METAP2: variants seen among roughly 807,000 people sequenced by gnomAD.
METAP2 encodes the protein methionyl aminopeptidase 2, also known as methionine aminopeptidase 2.
Under a neutral mutation model 59.4 loss-of-function variants are expected in METAP2, and 25 were observed. The ratio of observed to expected loss-of-function variants is 0.42; its 90% CI spans 0.31 to 0.59. METAP2 has a LOEUF of 0.59. Among genes scored for constraint, METAP2 ranks in the 20% least tolerant of loss-of-function variants. The pLI is 0.16. For synonymous variants in METAP2, 214 were observed against 194.1 expected (o/e 1.10, Z -0.85); for missense variants, 366 against 581.2 (o/e 0.63, Z 3.81).
At chr12:95,513,047 G>T in intron 10 of METAP2, 131 bp downstream of exon 10, 58 of 305,698 alleles carry the variant, frequency 1.9e-4, no homozygotes, top group Non-Finnish European at 2.4e-4. Flanking sequence ...CCAACAATAA[G>T]AAAAAAAAAT....
intron 4 of METAP2, 56 bp downstream of exon 4, chr12:95,486,037 A>C: frequency 1.6e-6 from 2 of 1,220,334 alleles, no homozygotes; most frequent in Non-Finnish European, 2.3e-6. Context: ...GCTTAGCAAT[A>C]AAGCAGATTT....
At chr12:95,511,413 T>TTTTTTTTTTTTTTTTTTTTTTTTTTTTA (rs1188048288) in intron 8 of METAP2, among the ~76,000 whole-genome samples, 1 of 142,212 alleles carries the variant, frequency 7.0e-6, no homozygotes, top group Non-Finnish European at 1.5e-5. Flanking sequence ...TTTTTTTTTT[T>TTTTTTTTTTTTTTTTTTTTTTTTTTTTA]GAGACGGAGT....
chr12:95,511,879 C>T lies in METAP2; in HGVS notation c.965-16C>T. ...GAGATCCTGAATGACTTTTATTTCCCTATTTTTTATAACAGTGAAACCAAT... is the reference window on the plus strand; with the variant it reads ...GAGATCCTGAATGACTTTTATTTCCTTATTTTTTATAACAGTGAAACCAAT... On this transcript the variant is annotated splice_polypyrimidine_tract_variant and intron_variant, in intron 8 of 10. Transcript: ENST00000323666. 1.3e-6 allele frequency: 2 copies of T among 1,557,088 alleles called. No homozygotes were observed. Among genetic ancestry groups the T allele is most frequent in the Non-Finnish European group, 1.8e-6 (2 of 1,135,158 alleles).
intron 8 of METAP2, among the ~76,000 whole-genome samples, chr12:95,506,370 C>T (rs1033291882): frequency 3.9e-4 from 53 of 136,320 alleles, no homozygotes; most frequent in Non-Finnish European, 9.2e-5. Context: ...AATCTTGGTT[C>T]ACGGCAACCT....
intron 6 of METAP2, 60 bp from the exon 7 acceptor site, chr12:95,495,944 G>T: frequency 9.8e-7 from 1 of 1,019,624 alleles, no homozygotes; most frequent in Admixed American, 2.0e-5. Flanking sequence ...ATTAAATGCT[G>T]TAAAGTAGAT....
chr12:95,510,520 C>T (rs1453797033), intron 8 of METAP2, among the ~76,000 whole-genome samples: 1 of 152,160 alleles, frequency 6.6e-6, no homozygotes, highest in Non-Finnish European at 1.5e-5. Context: ...GAGATAATGG[C>T]TTGAATTCAT....
intron 4 of METAP2, among the ~76,000 whole-genome samples, chr12:95,491,255 A>C (rs2076235887): frequency 6.6e-6 from 1 of 152,046 alleles, no homozygotes; most frequent in Non-Finnish European, 1.5e-5. Flanking sequence ...TTTTCACTTA[A>C]TTCTTTTAAT....
In METAP2 at chr12:95,494,194, T is replaced by G. The variant is rs755142238; in HGVS notation, c.567T>G (p.Pro189=). The change falls in exon 5 of 11, where the codon CCT becomes CCG. Residue 189 remains proline (P), a synonymous_variant. Transcript: ENST00000323666. ...VRKYVMSWIK[P]GMTMIEICEK... is the part of the protein sequence containing the mutation. ...AATACGTAATGAGCTGGATCAAGCC[T>G]GGGATGACAATGATAGAAATCTGGT... 60 of 1,613,312 alleles carry G rather than the reference T, an allele frequency of 3.7e-5. No individual in the cohort carries two copies. In the Admixed American group the frequency reaches 9.5e-4, roughly 26 times the overall value.
chr12:95,504,104 G>C lies in METAP2; in HGVS notation c.907G>C (p.Ala303Pro). Reference sequence around the variant, plus strand: ...TGTTCGTCTGTGTGATGTTGGTGAGGCCATCCAAGAAGTTATGGAGTCCTA... The same window carrying C: ...TGTTCGTCTGTGTGATGTTGGTGAGCCCATCCAAGAAGTTATGGAGTCCTA... Reference protein sequence around the residue: ...IDVRLCDVGEAIQEVMESYEV... With the variant: ...IDVRLCDVGEPIQEVMESYEV... The change falls in exon 8 of 11, where the codon GCC (alanine) becomes CCC (proline). Residue 303 changes from alanine (A) to proline (P), a missense_variant. Around this residue, in one of 4 missense-constraint regions of METAP2, gnomAD observed 106 missense variants for 221.9 expected, o/e 0.48. Coordinates refer to ENST00000323666, the MANE Select transcript of METAP2 (RefSeq NM_006838.4). The C allele has an allele frequency of 6.2e-7, 1 of 1,613,798 alleles. No homozygotes were observed. The highest frequency in any genetic ancestry group is 8.5e-7 in the Non-Finnish European group (1 of 1,179,800).
At chr12:95,493,452 T>A (rs529683132) in intron 4 of METAP2, among the ~76,000 whole-genome samples, 1 of 152,318 alleles carries the variant, frequency 6.6e-6, no homozygotes, top group South Asian at 2.1e-4. Context: ...TCTGCCTGGG[T>A]AACAGAGTAA....
chr12:95,488,881 TAC>T (rs10679214), intron 4 of METAP2, among the ~76,000 whole-genome samples: 11 of 150,458 alleles, frequency 7.3e-5, no homozygotes, highest in Middle Eastern at 3.2e-3. Flanking sequence ...CATATAGCCT[TAC>T]ACACACACAC....
intron 2 of METAP2, among the ~76,000 whole-genome samples, chr12:95,480,091 C>G (rs1487600289): frequency 2.0e-5 from 3 of 152,158 alleles, no homozygotes; most frequent in Non-Finnish European, 4.4e-5. Flanking sequence ...ATCACTGATA[C>G]GTTTTCTGAC....
chr12:95,496,188 G>A (rs530798753), intron 7 of METAP2, 90 bp downstream of exon 7: 2 of 740,838 alleles, frequency 2.7e-6, no homozygotes, highest in Non-Finnish European at 4.5e-6. Flanking sequence ...CACTTTTAAG[G>A]CCTGTTTAAG....
chr12:95,481,382 GC>G (rs1412842556), intron 2 of METAP2, among the ~76,000 whole-genome samples: 2 of 152,192 alleles, frequency 1.3e-5, no homozygotes, highest in Non-Finnish European at 2.9e-5. Flanking sequence ...CTGCACTCCA[GC>G]TTGGGCAACA....
At chr12:95,497,754 TTTTG>T (rs983955573) in intron 7 of METAP2, among the ~76,000 whole-genome samples, 1 of 152,162 alleles carries the variant, frequency 6.6e-6, no homozygotes, top group African/African-American at 2.4e-5. Context: ...TCTGGGTAGT[TTTTG>T]TTTGTTTTTT....
chr12:95,483,127 A>G (rs201816855), intron 2 of METAP2, 88 bp from the exon 3 acceptor site: 202 of 949,678 alleles, frequency 2.1e-4, no homozygotes, highest in Middle Eastern at 2.1e-4. Context: ...CATTTATTGA[A>G]TAGAGCAAAT....
At chr12:95,490,319 C>T (rs1429720447) in intron 4 of METAP2, among the ~76,000 whole-genome samples, 2 of 132,076 alleles carry the variant, frequency 1.5e-5, no homozygotes, top group Admixed American at 8.5e-5. Flanking sequence ...ACTGCATTTT[C>T]GGCTGGAATA....
chr12:95,494,318 C>A (rs952819592), intron 5 of METAP2, 101 bp downstream of exon 5: 13 of 1,129,122 alleles, frequency 1.2e-5, no homozygotes, highest in Non-Finnish European at 1.5e-5. Context: ...TTTGCTAAAT[C>A]TTTAAGTAAA....
chr12:95,500,439 A>G (rs1477860184), intron 7 of METAP2, among the ~76,000 whole-genome samples: 2 of 152,164 alleles, frequency 1.3e-5, no homozygotes, highest in Non-Finnish European at 1.5e-5. Context: ...AAACGGCAAA[A>G]GTGGATATCC....
Sources: allele counts gnomAD v4.1 joint callset (sites outside exome capture counted in the v4.1 genomes callset), GRCh38; gene constraint gnomAD v4.1.1; regional missense constraint gnomAD v4.1.1; transcripts MANE v1.5; gene names NCBI Gene and HGNC (gene_info 2026-07-23, HGNC 2026-07-21).